The following MTOR variants were observed in gnomAD, a reference collection of about 807,000 sequenced individuals.
MTOR encodes the protein serine/threonine-protein kinase mTOR.
MTOR carries 70 observed loss-of-function variants against 319.8 expected under a neutral mutation model. The observed-to-expected ratio is 0.22, with a 90% CI of 0.18 to 0.27. The LOEUF (loss-of-function observed/expected upper bound fraction) is 0.27. Among genes scored for constraint, MTOR ranks in the 10% least tolerant of loss-of-function variants. MTOR has a pLI of 1.00. For synonymous variants in MTOR, 1,183 were observed against 1,211.4 expected, an observed-to-expected ratio of 0.98 and a Z score of 0.49; for missense variants, 1,890 against 3,274.4, an observed-to-expected ratio of 0.58 and a Z score of 10.32.
intron 38 of MTOR, chr1:11,132,070 C>T (rs1643189118): frequency 1.3e-5 from 2 of 152,092 alleles, no homozygotes; most frequent in Admixed American, 6.5e-5. Context: ...AGGGCCATGA[C>T]GTTGATGGTA....
chr1:11,234,456 A>T (rs1456631240), intron 13 of MTOR, among the ~76,000 whole-genome samples, 191 bp from the exon 14 acceptor site: 1 of 152,224 alleles, frequency 6.6e-6, no homozygotes, highest in East Asian at 1.9e-4. Context: ...TACAGCTGTG[A>T]CAGGAAGAAA....
chr1:11,217,703 G>A (rs900595827), intron 19 of MTOR, among the ~76,000 whole-genome samples: 10 of 150,948 alleles, frequency 6.6e-5, no homozygotes, highest in African/African-American at 2.2e-4. Context: ...GAGCCACCAC[G>A]CCTGGCCCCC....
At chr1:11,137,030 C>T (rs553037352) in intron 36 of MTOR, among the ~76,000 whole-genome samples, 161 of 150,366 alleles carry the variant, frequency 1.1e-3, no homozygotes, top group African/African-American at 3.9e-3. Context: ...TTAGTAGAGA[C>T]GGTGCTTCAC....
At position 11,243,170 on chromosome 1, in the gene MTOR, C is replaced by G. The variant is rs1648319414; in HGVS notation, c.1356G>C (p.Leu452Phe). ...CTCGGATGATGTCCAGCACGCGAGGCAAATAGACCTTAAACTCAGACCTCA... is the reference window on the plus strand; with the variant it reads ...CTCGGATGATGTCCAGCACGCGAGGGAAATAGACCTTAAACTCAGACCTCA... Reference protein sequence around the residue: ...VAVRSEFKVYLPRVLDIIRAA... With the variant: ...VAVRSEFKVYFPRVLDIIRAA... Residue 452 changes from leucine to phenylalanine, a missense_variant, in exon 9 of 58, where the codon TTG (leucine) becomes TTC (phenylalanine). By Grantham distance (22) the Leu-to-Phe change is conservative. Transcript: ENST00000361445. 9 of 1,614,108 alleles carry G rather than the reference C, an allele frequency of 5.6e-6. No homozygotes were observed. The highest frequency in any genetic ancestry group is 7.6e-6 in the Non-Finnish European group (9 of 1,180,036).
At chr1:11,130,885 T>A in intron 38 of MTOR, 108 bp from the exon 39 acceptor site, 3 of 1,398,526 alleles carry the variant, frequency 2.1e-6, no homozygotes, top group Non-Finnish European at 2.9e-6. Context: ...CTGTTCTGTG[T>A]GTCCATAAAG....
At chr1:11,257,266 T>G (rs925462925) in intron 3 of MTOR, 101 bp from the exon 4 acceptor site, 9 of 978,994 alleles carry the variant, frequency 9.2e-6, no homozygotes, top group Admixed American at 2.1e-5. Flanking sequence ...CCAGGCACGG[T>G]GGCTCAAGTC....
Position 11,259,228 on chromosome 1 carries a change from GC to G in MTOR, c.162+19del, listed in dbSNP as rs773198836. On this transcript the variant is annotated intron_variant, in intron 2 of 57. Coordinates refer to ENST00000361445, the MANE Select transcript of MTOR (RefSeq NM_004958.4). ...TAGCCCACACATCCCACAATGACTG[GC>G]CCCAGATCCCAGAAGCACCTCTCGG... 76 of 1,610,504 alleles carry G rather than the reference GC, an allele frequency of 4.7e-5. No individual in the cohort carries two copies. Among genetic ancestry groups the G allele is most frequent in the Non-Finnish European group, 6.4e-5 (75 of 1,178,906 alleles).
At chr1:11,258,738 G>A in intron 2 of MTOR, 145 bp from the exon 3 acceptor site, 1 of 610,232 alleles carries the variant, frequency 1.6e-6, no homozygotes, top group Non-Finnish European at 2.9e-6. Context: ...ATTTCTATAG[G>A]ATTACACTGT....
At chr1:11,195,233 G>C (rs1645740654) in intron 28 of MTOR, 2 of 563,144 alleles carry the variant, frequency 3.6e-6, no homozygotes, top group Non-Finnish European at 6.1e-6. Flanking sequence ...AACCCACTGG[G>C]TCCTGCCACA....
chr1:11,251,506 C>T (rs910272862), intron 6 of MTOR, among the ~76,000 whole-genome samples: 23 of 151,968 alleles, frequency 1.5e-4, no homozygotes, highest in African/African-American at 5.6e-4. Context: ...ATCTATCTTC[C>T]CTTATAAGAA....
At chr1:11,169,187 T>C (rs994575936) in intron 28 of MTOR, among the ~76,000 whole-genome samples, 2 of 152,218 alleles carry the variant, frequency 1.3e-5, no homozygotes, top group African/African-American at 2.4e-5. Context: ...CCAAAGGAAA[T>C]TGCCCAGAAA....
intron 13 of MTOR, among the ~76,000 whole-genome samples, chr1:11,237,291 C>A (rs1647337087): frequency 6.6e-6 from 1 of 152,078 alleles, no homozygotes; most frequent in African/African-American, 2.4e-5. Flanking sequence ...AGCCATGTCT[C>A]CAGAGCAATT....
At chr1:11,137,313 T>C (rs992272471) in intron 36 of MTOR, among the ~76,000 whole-genome samples, 8 of 152,096 alleles carry the variant, frequency 5.3e-5, no homozygotes, top group African/African-American at 1.9e-4. Context: ...AAGCTACCTG[T>C]CATCAACAAT....
At chr1:11,154,613 A>C (rs1443739819) in intron 30 of MTOR, among the ~76,000 whole-genome samples, 1 of 152,018 alleles carries the variant, frequency 6.6e-6, no homozygotes, top group Non-Finnish European at 1.5e-5. Flanking sequence ...TATCTTGGGG[A>C]TGTAGTAATA....
rs745692972 is a variant in MTOR, at chr1:11,247,998, T to C, written c.937A>G (p.Ile313Val). The C allele has an allele frequency of 1.5e-5, 25 of 1,613,972 alleles. No homozygotes were observed. Among genetic ancestry groups the C allele is most frequent in the African/African-American group, 6.7e-5 (5 of 74,894 alleles). The change falls in exon 7 of 58, where the codon ATT becomes GTT. Residue 313 changes from isoleucine (I) to valine (V), a missense_variant. Coordinates refer to ENST00000361445, the MANE Select transcript of MTOR (RefSeq NM_004958.4). ...GCCTGGAAACTGGTGAAGGGGGTAA[T>C]GTGACGAGGTTTTGTTCCGAAGCCC... ...LMGFGTKPRH[I>V]TPFTSFQAVQ...
At chr1:11,214,902 G>C (rs915093597) in intron 20 of MTOR, among the ~76,000 whole-genome samples, 1 of 152,106 alleles carries the variant, frequency 6.6e-6, no homozygotes, top group African/African-American at 2.4e-5. Flanking sequence ...TCCTCACAGG[G>C]GCTTCTCTAC....
Position 11,240,489 on chromosome 1 carries a change from C to T in MTOR, c.1600G>A (p.Asp534Asn), listed in dbSNP as rs778866134. ...LSRQIPQLKK[D>N]IQDGLLKMLS... The stretch of plus-strand genomic sequence containing the variant: ...ATTTTCAGTAGCCCATCTTGAATGT[C>T]CTTCTTTAGCTGTGGAATCTGACGG... The change falls in exon 11 of 58, where the codon GAC becomes AAC. Residue 534 changes from aspartate (D) to asparagine (N), a missense_variant. Asp to Asn is a conservative substitution (Grantham distance 23). Coordinates refer to ENST00000361445, the MANE Select transcript of MTOR (RefSeq NM_004958.4). The T allele has an allele frequency of 3.4e-5, 55 of 1,614,032 alleles. No individual in the cohort carries two copies. Among genetic ancestry groups the T allele is most frequent in the Non-Finnish European group, 4.4e-5 (52 of 1,180,030 alleles).
chr1:11,150,515 C>T (rs778297491), intron 30 of MTOR, among the ~76,000 whole-genome samples: 1 of 152,196 alleles, frequency 6.6e-6, no homozygotes, highest in African/African-American at 2.4e-5. Flanking sequence ...TAAATAACTT[C>T]TCTCCTATGC....
At chr1:11,130,945 A>G in intron 38 of MTOR, 168 bp from the exon 39 acceptor site, 1 of 821,990 alleles carries the variant, frequency 1.2e-6, no homozygotes, top group South Asian at 1.8e-5. Context: ...TAAATTCAAC[A>G]TGATCCACTC....
Sources: allele counts gnomAD v4.1 joint callset (sites outside exome capture counted in the v4.1 genomes callset), GRCh38; gene constraint gnomAD v4.1.1; transcripts MANE v1.5; gene names NCBI Gene and HGNC (gene_info 2026-07-23, HGNC 2026-07-21).